Variants in RXRG observed in about 807,000 individuals in gnomAD.
The protein encoded by RXRG is retinoic acid receptor RXR-gamma.
Under a neutral mutation model 49.2 loss-of-function variants are expected in RXRG, and 19 were observed. The observed-to-expected ratio is 0.39, with a 90% CI of 0.27 to 0.57. RXRG has a LOEUF of 0.57. Ranked by LOEUF, RXRG falls within the 20% of genes least tolerant of loss-of-function variation. The pLI is 0.64. For synonymous variants in RXRG, 224 were observed against 216.6 expected, an observed-to-expected ratio of 1.03 and a Z score of -0.30; for missense variants, 452 against 592.5, an observed-to-expected ratio of 0.76 and a Z score of 2.46.
intron 1 of RXRG, among the ~76,000 whole-genome samples, chr1:165,442,680 G>A (rs992206179): frequency 6.6e-6 from 1 of 152,198 alleles, no homozygotes; most frequent in African/African-American, 2.4e-5. Context: ...TAGTCTCTGA[G>A]TAAAATAGAG....
At chr1:165,444,771 G>T in intron 1 of RXRG, 74 bp downstream of exon 1, 1 of 1,237,456 alleles carries the variant, frequency 8.1e-7, no homozygotes, top group Non-Finnish European at 1.2e-6. Context: ...TACTAATCCA[G>T]TCATTCGTAT....
chr1:165,409,892 A>C (rs540824969), intron 6 of RXRG, among the ~76,000 whole-genome samples: 4 of 152,246 alleles, frequency 2.6e-5, no homozygotes, highest in South Asian at 2.1e-4. Context: ...ATGGCTCTGC[A>C]CATCCCCCCA....
At chr1:165,402,905 A>T (rs1210450600) in intron 9 of RXRG, among the ~76,000 whole-genome samples, 1 of 151,756 alleles carries the variant, frequency 6.6e-6, no homozygotes, top group Non-Finnish European at 1.5e-5. Context: ...CACATATCTC[A>T]TGCCTGTGGT....
intron 1 of RXRG, among the ~76,000 whole-genome samples, chr1:165,441,837 AAGG>A (rs920618946): frequency 6.6e-6 from 1 of 152,186 alleles, no homozygotes; most frequent in Non-Finnish European, 1.5e-5. Context: ...CTTGGCAGAG[AAGG>A]AGAAGAGAAG....
rs1440990946 is a variant in RXRG, at chr1:165,401,055, T to G, written c.*208A>C. 1.9e-6 allele frequency: 1 copy of G among 527,640 alleles called. No individual in the cohort carries two copies. The highest frequency in any genetic ancestry group is 1.9e-5 in the African/African-American group (1 of 51,964). The allele number at this position is 527,640 out of a possible 1,614,324, so 32.7% of individuals were successfully genotyped here. A position where few individuals can be genotyped will look rare whatever the true frequency, so the allele number is the denominator to read the frequency against. On this transcript the variant is annotated 3_prime_UTR_variant, in exon 10 of 10. Coordinates refer to ENST00000359842, the MANE Select transcript of RXRG (RefSeq NM_006917.5). ...GAACTTCCAGAAAGTCTCCCAGCCC[T>G]GTAGACAGCAAAGCGTATTACCTTT... is the stretch of plus-strand genomic sequence containing the variant.
rs202050830 is a variant in RXRG at position 165,419,840 on chromosome 1, T to C, written c.442+30A>G. 476 of 1,561,694 alleles carry C rather than the reference T, an allele frequency of 3.0e-4. 2 individuals are homozygous for C. Among genetic ancestry groups the C allele is most frequent in the Non-Finnish European group, 4.0e-4 (460 of 1,149,970 alleles). Reference sequence around the variant, plus strand: ...GTGAGCAGCCCCTTCTCTGTGGCACTTTTCAGGGAGTGTCTGCTTCTGCAT... The same window carrying C: ...GTGAGCAGCCCCTTCTCTGTGGCACCTTTCAGGGAGTGTCTGCTTCTGCAT... On this transcript the variant is annotated intron_variant, in intron 3 of 9. Coordinates refer to ENST00000359842, the MANE Select transcript of RXRG (RefSeq NM_006917.5).
In RXRG at chr1:165,406,856, G is replaced by A. The variant is rs1238478902; in HGVS notation, c.1200C>T (p.Thr400=). 6.2e-7 allele frequency: 1 copy of A among 1,613,792 alleles called. No individual in the cohort carries two copies. Among genetic ancestry groups the A allele is most frequent in the Non-Finnish European group, 8.5e-7 (1 of 1,179,976 alleles). ...VETLREKVYA[T]LEAYTKQKYP... is the part of the protein sequence containing the mutation. ...ACTTCTGCTTGGTGTAGGCCTCAAG[G>A]GTGGCATAAACCTTCTCTCGCAGAG... is the stretch of plus-strand genomic sequence containing the variant. The change falls in exon 9 of 10, where the codon ACC becomes ACT. Residue 400 remains threonine, a synonymous_variant. Transcript: ENST00000359842.
At position 165,411,645 on chromosome 1, in the gene RXRG, G is replaced by T. The variant is rs563566841; in HGVS notation, c.623-536C>A. 4.6e-5 allele frequency among the ~76,000 whole-genome samples: 7 copies of T among 152,262 alleles called. No individual in the cohort carries two copies. In the South Asian group the frequency reaches 1.5e-3, roughly 32 times the overall value. On this transcript the variant is annotated intron_variant, in intron 4 of 9. Transcript: ENST00000359842. Reference sequence around the variant, plus strand: ...GAAGATCTTTAGGGAGCCAGCTGTGGGTATTTAGTAAGTGAAGGGGTGGAG... The same window carrying T: ...GAAGATCTTTAGGGAGCCAGCTGTGTGTATTTAGTAAGTGAAGGGGTGGAG...
chr1:165,429,001 G>A (rs774069121), intron 1 of RXRG, 35 bp from the exon 2 acceptor site: 1 of 1,596,222 alleles, frequency 6.3e-7, no homozygotes, highest in South Asian at 1.1e-5. Flanking sequence ...TGGGAGGTTG[G>A]GGAACATGGA....
chr1:165,441,059 T>A (rs1658969051), intron 1 of RXRG, among the ~76,000 whole-genome samples: 1 of 152,266 alleles, frequency 6.6e-6, no homozygotes, highest in East Asian at 1.9e-4. Context: ...TTCTAGCATA[T>A]ACACACATGT....
intron 9 of RXRG, among the ~76,000 whole-genome samples, chr1:165,401,674 C>A (rs1657571237): frequency 6.6e-6 from 1 of 152,218 alleles, no homozygotes; most frequent in African/African-American, 2.4e-5. Context: ...GCCCTCAGCT[C>A]CCCTCATTCA....
rs779281422 is a variant in RXRG at position 165,417,045 on chromosome 1, C to T, written c.618G>A (p.Arg206=). The T allele has an allele frequency of 1.2e-6, 2 of 1,612,096 alleles. No individual in the cohort carries two copies. The highest frequency in any genetic ancestry group is 1.3e-5 in the African/African-American group (1 of 74,978). The change falls in exon 4 of 10, where the codon AGG becomes AGA. Residue 206 remains arginine, a synonymous_variant. Transcript: ENST00000359842. ...YQKCLVMGMK[R]EAVQEERQRS... ...TTGGAACTGAATGTGTCTCACCTTC[C>T]CTCTTCATGCCCATGACAAGGCACT...
chr1:165,440,163 G>A (rs1359287485), intron 1 of RXRG, among the ~76,000 whole-genome samples: 1 of 152,240 alleles, frequency 6.6e-6, no homozygotes, highest in African/African-American at 2.4e-5. Context: ...GTACAGTATA[G>A]TACATGGTAG....
At position 165,445,024 on chromosome 1, in the gene RXRG, G is replaced by A. The variant is rs111256485; in HGVS notation, c.-131C>T. 12 of 795,644 alleles carry A rather than the reference G, an allele frequency of 1.5e-5. No homozygotes were observed. Among genetic ancestry groups the A allele is most frequent in the African/African-American group, 5.0e-5 (3 of 59,600 alleles). The allele number at this position is 795,644 out of a possible 1,614,324, so 49.3% of individuals were successfully genotyped here. A position where few individuals can be genotyped will look rare whatever the true frequency, so the allele number is the denominator to read the frequency against. ...TGGTCATCGCTTCCTAGCAGCCCGG[G>A]GAGCACAGGCTGGGCCAGCCCTCTG... is the stretch of plus-strand genomic sequence containing the variant. On this transcript the variant is annotated 5_prime_UTR_variant, in exon 1 of 10. Coordinates refer to ENST00000359842, the MANE Select transcript of RXRG (RefSeq NM_006917.5).
At chr1:165,434,302 G>GTGTGTGTGTA (rs1421410108) in intron 1 of RXRG, among the ~76,000 whole-genome samples, 3 of 151,970 alleles carry the variant, frequency 2.0e-5, no homozygotes, top group Non-Finnish European at 2.9e-5. Context: ...GTGTGTGTGT[G>GTGTGTGTGTA]TGTGTGTCAG....
intron 4 of RXRG, among the ~76,000 whole-genome samples, chr1:165,412,729 C>T (rs1247796935): frequency 1.3e-5 from 2 of 152,180 alleles, no homozygotes; most frequent in Non-Finnish European, 2.9e-5. Flanking sequence ...CTCATCTCTC[C>T]ATCTCCCTTT....
At chr1:165,412,433 AAG>A (rs1194458194) in intron 4 of RXRG, among the ~76,000 whole-genome samples, 1 of 152,168 alleles carries the variant, frequency 6.6e-6, no homozygotes, top group Non-Finnish European at 1.5e-5. Context: ...AAATAGTGAA[AAG>A]AGGGGAAAAA....
chr1:165,443,289 G>A (rs982717717), intron 1 of RXRG, among the ~76,000 whole-genome samples: 1 of 152,152 alleles, frequency 6.6e-6, no homozygotes, highest in Non-Finnish European at 1.5e-5. Context: ...CCACGAATCT[G>A]GCTGAAAATG....
At chr1:165,438,158 A>G (rs930356521) in intron 1 of RXRG, among the ~76,000 whole-genome samples, 24 of 152,310 alleles carry the variant, frequency 1.6e-4, no homozygotes, top group African/African-American at 5.8e-4. Context: ...GCCCTGGCTC[A>G]GCGATCCTCA....
Sources: gnomAD v4.1 joint callset for allele counts (sites outside exome capture counted in the v4.1 genomes callset) on GRCh38, gnomAD v4.1.1 for gene constraint, MANE v1.5 for transcripts, NCBI Gene and HGNC (gene_info 2026-07-23, HGNC 2026-07-21) for gene names.